The following TENM2 variants were observed in gnomAD, a reference collection of about 807,000 sequenced individuals.
TENM2 encodes the protein teneurin-2.
Under a neutral mutation model 245.2 loss-of-function variants are expected in TENM2, and 52 were observed. That is an observed-to-expected ratio of 0.21 (90% CI 0.17 to 0.27). The LOEUF is 0.27. Ranked by LOEUF, TENM2 falls within the 10% of genes least tolerant of loss-of-function variation. The pLI is 1.00. For synonymous variants in TENM2, 1,363 were observed against 1,438.9 expected (o/e 0.95, Z 1.19); for missense variants, 3,046 against 3,666.8 (o/e 0.83, Z 4.37).
intron 2 of TENM2, among the ~76,000 whole-genome samples, chr5:167,850,992 G>A (rs1331493230): frequency 1.3e-5 from 2 of 152,198 alleles, no homozygotes; most frequent in African/African-American, 4.8e-5. Flanking sequence ...CTCTTAGGGT[G>A]CATGAATCAC....
At chr5:167,456,848 T>C (rs1028929123) in intron 2 of TENM2, among the ~76,000 whole-genome samples, 1 of 152,226 alleles carries the variant, frequency 6.6e-6, no homozygotes, top group Non-Finnish European at 1.5e-5. Flanking sequence ...TAAAAGTATA[T>C]GTTCTCCAAT....
At chr5:166,983,876 T>G in the TENM2 span, among the ~76,000 whole-genome samples, 1 of 152,140 alleles carries the variant, frequency 6.6e-6, no homozygotes, top group African/African-American at 2.4e-5. Context: ...CTTCCATCTC[T>G]AATTTAGTTC....
rs73801482 is a variant in TENM2, at chr5:167,994,316, G to A, written c.1186+1134G>A. On this transcript the variant is annotated intron_variant, in intron 5 of 28. Coordinates refer to ENST00000518659, the Ensembl canonical transcript of TENM2. ...TTAAGAGAAAAGAAAAGGCAACCCT[G>A]ACTGTGTTGGCCTTGCCCCTTCCCT... is the stretch of plus-strand genomic sequence containing the variant. Among the ~76,000 whole-genome samples, 279 of 152,332 alleles carry A rather than the reference G, an allele frequency of 1.8e-3. 1 individual carries two copies. Among genetic ancestry groups the A allele is most frequent in the African/African-American group, 6.4e-3 (265 of 41,586 alleles).
At chr5:167,026,683 G>C in the TENM2 span, among the ~76,000 whole-genome samples, 1 of 152,156 alleles carries the variant, frequency 6.6e-6, no homozygotes, top group Non-Finnish European at 1.5e-5. Flanking sequence ...CCGGTGAGGC[G>C]TATAGACTTT....
the TENM2 span, among the ~76,000 whole-genome samples, chr5:167,094,949 T>C: frequency 6.6e-6 from 1 of 152,194 alleles, no homozygotes; most frequent in African/African-American, 2.4e-5. Context: ...GGCCCTGAGT[T>C]GGGTAGCTGA....
At chr5:167,866,390 CAGG>C (rs1373815441) in intron 2 of TENM2, among the ~76,000 whole-genome samples, 11 of 151,200 alleles carry the variant, frequency 7.3e-5, no homozygotes, top group Non-Finnish European at 1.3e-4. Context: ...CCTAGCTACT[CAGG>C]AGGCTGAGGC....
intron 2 of TENM2, among the ~76,000 whole-genome samples, chr5:167,412,436 A>G (rs528384500): frequency 3.3e-5 from 5 of 152,132 alleles, no homozygotes; most frequent in African/African-American, 9.6e-5. Context: ...TAAGGTGGGT[A>G]GATTACCTGA....
chr5:167,351,163 ATG>A (rs1758886577), intron 1 of TENM2, among the ~76,000 whole-genome samples: 1 of 148,646 alleles, frequency 6.7e-6, no homozygotes, highest in Non-Finnish European at 1.5e-5. Flanking sequence ...TTATATATAT[ATG>A]GGATATATAC....
chr5:167,793,069 G>T (rs1026290750), intron 2 of TENM2, among the ~76,000 whole-genome samples: 3 of 152,156 alleles, frequency 2.0e-5, no homozygotes, highest in Non-Finnish European at 4.4e-5. Context: ...AATAGGCTGG[G>T]TGAAAGAGCC....
At chr5:167,799,728 A>T (rs1275517261) in intron 2 of TENM2, among the ~76,000 whole-genome samples, 1 of 152,174 alleles carries the variant, frequency 6.6e-6, no homozygotes, top group Non-Finnish European at 1.5e-5. Context: ...AAGAGTGGTA[A>T]GTTAGGTCTA....
At chr5:167,221,206 G>T in the TENM2 span, among the ~76,000 whole-genome samples, 1 of 152,150 alleles carries the variant, frequency 6.6e-6, no homozygotes, top group African/African-American at 2.4e-5. Flanking sequence ...GGGGCTTATA[G>T]TCTAGTCATG....
At chr5:167,187,871 C>T in the TENM2 span, among the ~76,000 whole-genome samples, 1 of 152,094 alleles carries the variant, frequency 6.6e-6, no homozygotes. Flanking sequence ...AGGTGAAATA[C>T]ATTCTGTCGT....
intron 2 of TENM2, among the ~76,000 whole-genome samples, chr5:167,444,173 G>T (rs1034107069): frequency 5.2e-4 from 79 of 152,014 alleles, no homozygotes; most frequent in African/African-American, 1.8e-3. Context: ...TCATAAAGAA[G>T]AACCACCATC....
At chr5:167,538,382 G>A (rs1771987078) in intron 2 of TENM2, among the ~76,000 whole-genome samples, 1 of 152,210 alleles carries the variant, frequency 6.6e-6, no homozygotes, top group Non-Finnish European at 1.5e-5. Context: ...GTACAGAACA[G>A]CCTTCATTTC....
At chr5:167,189,963 A>G in the TENM2 span, among the ~76,000 whole-genome samples, 2 of 152,148 alleles carry the variant, frequency 1.3e-5, no homozygotes, top group Admixed American at 1.3e-4. Context: ...TAAAATTTAA[A>G]GAAAGTTACT....
the TENM2 span, among the ~76,000 whole-genome samples, chr5:167,101,302 T>G: frequency 6.6e-6 from 1 of 152,210 alleles, no homozygotes; most frequent in African/African-American, 2.4e-5. Context: ...GAGACTAATA[T>G]GAAACTCAAA....
chr5:167,970,495 G>A (rs1267124724), intron 4 of TENM2, among the ~76,000 whole-genome samples: 1 of 152,152 alleles, frequency 6.6e-6, no homozygotes, highest in East Asian at 1.9e-4. Flanking sequence ...TCTTGGAAAT[G>A]GCTGGAGAAG....
intron 5 of TENM2, among the ~76,000 whole-genome samples, chr5:168,036,293 T>C (rs1346547747): frequency 1.3e-5 from 2 of 152,190 alleles, no homozygotes; most frequent in African/African-American, 2.4e-5. Flanking sequence ...CATGTGCCTT[T>C]AGCACCAAAG....
chr5:167,596,693 G>A (rs1384343040), intron 2 of TENM2, among the ~76,000 whole-genome samples: 1 of 151,672 alleles, frequency 6.6e-6, no homozygotes, highest in East Asian at 1.9e-4. Flanking sequence ...CTACTCGGGA[G>A]GCTGAGGCAG....
Sources: gnomAD v4.1 joint callset for allele counts (sites outside exome capture counted in the v4.1 genomes callset) on GRCh38, gnomAD v4.1.1 for gene constraint, MANE v1.5 for transcripts, NCBI Gene and HGNC (gene_info 2026-07-23, HGNC 2026-07-21) for gene names.